The following ASH1L variants were observed in gnomAD, a reference collection of about 807,000 sequenced individuals.
ASH1L encodes ASH1 like histone lysine methyltransferase, also known as histone-lysine N-methyltransferase ASH1L.
In ASH1L, 23 loss-of-function variants were observed where a neutral mutation model predicts 269.0. That is an observed-to-expected ratio of 0.09 (90% CI 0.06 to 0.12). ASH1L has a LOEUF of 0.12. Ranked by LOEUF, ASH1L falls within the 10% of genes least tolerant of loss-of-function variation. ASH1L has a pLI of 1.00. For synonymous variants in ASH1L, 1,187 were observed against 1,253.5 expected (o/e 0.95, Z 1.12); for missense variants, 2,912 against 3,567.8 (o/e 0.82, Z 4.68).
chr1:155,395,336 G>T, intron 7 of ASH1L, 123 bp downstream of exon 7: 2 of 697,424 alleles, frequency 2.9e-6, no homozygotes, highest in Non-Finnish European at 4.5e-6. Flanking sequence ...AAGTAAAATG[G>T]TAAAGAAAGA....
At chr1:155,496,793 C>T (rs1667184072) in intron 2 of ASH1L, among the ~76,000 whole-genome samples, 1 of 152,016 alleles carries the variant, frequency 6.6e-6, no homozygotes, top group Admixed American at 6.6e-5. Flanking sequence ...CATGTGCAAT[C>T]ACGCTTGGCT....
At position 155,343,311 on chromosome 1, in the gene ASH1L, T is replaced by C; in HGVS notation, c.8293+3A>G. 2.5e-6 allele frequency: 4 copies of C among 1,610,972 alleles called. No homozygotes were observed. The highest frequency in any genetic ancestry group is 3.4e-6 in the Non-Finnish European group (4 of 1,178,270). ...CATTTTTTAACTAGCCCAGATCACT[T>C]ACCTTTACAATACGTATAAAGGTCC... On this transcript the variant is annotated splice_donor_region_variant and intron_variant, in intron 24 of 27. Transcript: ENST00000392403. This position sits in a 1 kb window ranked among gnomAD's most constrained non-coding sequence, Gnocchi z 6.1.
At chr1:155,382,833 C>T (rs1467664170) in intron 7 of ASH1L, among the ~76,000 whole-genome samples, 1 of 151,992 alleles carries the variant, frequency 6.6e-6, no homozygotes, top group Non-Finnish European at 1.5e-5. Flanking sequence ...TAAAGCGATC[C>T]TCTCACTTCT....
chr1:155,500,357 A>G (rs1667424535), intron 2 of ASH1L, among the ~76,000 whole-genome samples: 1 of 152,200 alleles, frequency 6.6e-6, no homozygotes, highest in Admixed American at 6.5e-5. Context: ...CTTCTCTACC[A>G]TAAAAATACC....
chr1:155,502,573 C>G (rs1490481669), intron 2 of ASH1L, among the ~76,000 whole-genome samples: 1 of 152,136 alleles, frequency 6.6e-6, no homozygotes, highest in Non-Finnish European at 1.5e-5. Context: ...CACCCTGACA[C>G]TGAAGGAGCC....
intron 3 of ASH1L, among the ~76,000 whole-genome samples, chr1:155,477,333 A>G (rs1378003492): frequency 6.6e-6 from 1 of 152,222 alleles, no homozygotes; most frequent in Non-Finnish European, 1.5e-5. Context: ...GGTATGCTGC[A>G]AAATGAAGTC....
intron 2 of ASH1L, among the ~76,000 whole-genome samples, chr1:155,498,260 T>TA (rs976310276): frequency 4.0e-5 from 6 of 151,654 alleles, no homozygotes; most frequent in African/African-American, 1.2e-4. Context: ...GTTCAATAGA[T>TA]ACACAATTTC....
intron 3 of ASH1L, among the ~76,000 whole-genome samples, chr1:155,476,697 G>A (rs1570928949): frequency 6.6e-6 from 1 of 151,488 alleles, no homozygotes; most frequent in Non-Finnish European, 1.5e-5. Flanking sequence ...GACTATAAGC[G>A]CCTGCCACCA....
intron 7 of ASH1L, among the ~76,000 whole-genome samples, chr1:155,394,056 G>C (rs1193600892): frequency 6.6e-6 from 1 of 152,134 alleles, no homozygotes; most frequent in Non-Finnish European, 1.5e-5. Context: ...CTCTTTTGAT[G>C]AGACTATCAG....
At chr1:155,495,360 T>A (rs895653742) in intron 2 of ASH1L, among the ~76,000 whole-genome samples, 2 of 152,132 alleles carry the variant, frequency 1.3e-5, no homozygotes, top group South Asian at 2.1e-4. Flanking sequence ...ACCTAAGCTG[T>A]ATAGAATAAC....
chr1:155,535,632 C>T (rs1475957265), intron 1 of ASH1L, among the ~76,000 whole-genome samples: 1 of 145,374 alleles, frequency 6.9e-6, no homozygotes. Flanking sequence ...GGCAACAGGG[C>T]AAGACCCCAT....
intron 1 of ASH1L, among the ~76,000 whole-genome samples, chr1:155,546,767 G>A (rs1054204569): frequency 6.6e-6 from 1 of 150,988 alleles, no homozygotes; most frequent in Non-Finnish European, 1.5e-5. Flanking sequence ...AAAAAAAAAA[G>A]CACTCTGGTA....
At chr1:155,502,075 T>C (rs898612300) in intron 2 of ASH1L, among the ~76,000 whole-genome samples, 5 of 148,326 alleles carry the variant, frequency 3.4e-5, no homozygotes, top group African/African-American at 4.9e-5. Flanking sequence ...TCTTTTCTTT[T>C]TTTTTTTTTT....
At chr1:155,562,970 G>T (rs1202435543), upstream of ASH1L, 6 of 457,108 alleles carry the variant, frequency 1.3e-5, 1 homozygote, top group South Asian at 9.2e-5. Context: ...TTCCATTCCT[G>T]TCGGCTGCAG....
At position 155,478,613 on chromosome 1, in the gene ASH1L, C is replaced by A. The variant is rs200364469; in HGVS notation, c.4257G>T (p.Thr1419=). The change falls in exon 3 of 28, where the codon ACG becomes ACT. Residue 1419 remains threonine (T), a synonymous_variant. Transcript: ENST00000392403. The surrounding 1 kb of genome is among the most constrained non-coding windows in gnomAD (Gnocchi z 4.6). ...GCATATAGGAAGGAGGTGGAAGTGG[C>A]GTGGTGAAAGAAGGAGATGGAGGAG... ...YPPPPSPSFT[T]PLPPPSYMHA... is the part of the protein sequence containing the mutation. 3.7e-6 allele frequency: 6 copies of A among 1,613,686 alleles called. No individual in the cohort carries two copies. Among genetic ancestry groups the A allele is most frequent in the Non-Finnish European group, 1.7e-6 (2 of 1,179,972 alleles).
intron 6 of ASH1L, chr1:155,395,914 C>T (rs962455355): frequency 1.8e-5 from 3 of 165,708 alleles, no homozygotes; most frequent in East Asian, 1.7e-4. Flanking sequence ...AATTTTAGAT[C>T]GGATTATAAT....
Position 155,346,045 on chromosome 1 carries a change from G to A in ASH1L, c.7890+338C>T, listed in dbSNP as rs1653280040. On this transcript the variant is annotated intron_variant, in intron 21 of 27. Transcript: ENST00000392403. ...GATGGGGTTTCACCGTGTTGCCCAG[G>A]CTGGTCTCGAACTCCTGAGCTCAGG... The A allele has an allele frequency of 1.4e-5, 9 of 622,034 alleles. No homozygotes were observed. The South Asian group carries it at 1.5e-4, about 10-fold the overall frequency. The allele number at this position is 622,034 out of a possible 1,614,324, so 38.5% of individuals were successfully genotyped here. A position where few individuals can be genotyped will look rare whatever the true frequency, so the allele number is the denominator to read the frequency against.
Position 155,479,814 on chromosome 1 carries a change from T to C in ASH1L, c.3056A>G (p.His1019Arg), listed in dbSNP as rs1022300953. 6.2e-6 allele frequency: 10 copies of C among 1,614,236 alleles called. No homozygotes were observed. The highest frequency in any genetic ancestry group is 2.2e-5 in the East Asian group (1 of 44,888). Residue 1019 changes from histidine to arginine, a missense_variant, in exon 3 of 28, where the codon CAT becomes CGT. Physicochemically the swap from His to Arg is conservative, Grantham distance 29. Transcript: ENST00000392403. ...GGCAGCAAGACTTGATACCGTATTA[T>C]GGAGTTTGGATTGCACTTTCCCTTT... ...SNKGKVQSKL[H>R]NTVSSLAATF...
chr1:155,465,930 T>C (rs760499479), intron 3 of ASH1L, among the ~76,000 whole-genome samples: 14 of 152,310 alleles, frequency 9.2e-5, no homozygotes, highest in Non-Finnish European at 1.8e-4. Context: ...AGGTAAAAGC[T>C]GGGTCCACAA....
Sources: allele counts gnomAD v4.1 joint callset (sites outside exome capture counted in the v4.1 genomes callset), GRCh38; gene constraint gnomAD v4.1.1; non-coding constraint Gnocchi (gnomAD v3.1); transcripts MANE v1.5; gene names NCBI Gene and HGNC (gene_info 2026-07-23, HGNC 2026-07-21).